CFAP52: variants seen among roughly 807,000 people sequenced by gnomAD.
The protein encoded by CFAP52 is cilia- and flagella-associated protein 52.
Under a neutral mutation model 70.5 loss-of-function variants are expected in CFAP52, and 57 were observed. The observed-to-expected ratio is 0.81, with a 90% CI of 0.65 to 1.01. The LOEUF (loss-of-function observed/expected upper bound fraction) is 1.01. Ranked by LOEUF, CFAP52 falls within the 50% of genes least tolerant of loss-of-function variation. The probability of loss-of-function intolerance (pLI) is 0.00; values close to 1 mark genes in which losing one functional copy is unlikely to be tolerated. For missense variants in CFAP52, 785 were observed against 788.5 expected (o/e 1.00, Z 0.05); for synonymous variants, 267 against 292.5 (o/e 0.91, Z 0.89).
At chr17:9,603,102 TC>T (rs1194315160) in intron 6 of CFAP52, among the ~76,000 whole-genome samples, 1 of 152,204 alleles carries the variant, frequency 6.6e-6, no homozygotes, top group East Asian at 1.9e-4. Context: ...TGTTTTGTTT[TC>T]CTAGCACTTG....
intron 1 of CFAP52, among the ~76,000 whole-genome samples, chr17:9,578,536 T>G (rs141890222): frequency 2.4e-3 from 359 of 152,316 alleles, no homozygotes; most frequent in African/African-American, 8.2e-3. Context: ...AAGAAAAACC[T>G]TGTGGCAGTG....
intron 4 of CFAP52, among the ~76,000 whole-genome samples, chr17:9,595,037 C>T (rs1275538669): frequency 1.3e-5 from 2 of 151,866 alleles, no homozygotes; most frequent in Non-Finnish European, 2.9e-5. Flanking sequence ...ATTACAGGTG[C>T]CCGCCAACAC....
chr17:9,603,572 T>G (rs1392009771), intron 6 of CFAP52, among the ~76,000 whole-genome samples: 1 of 152,202 alleles, frequency 6.6e-6, no homozygotes, highest in Non-Finnish European at 1.5e-5. Flanking sequence ...GAGTTCTTCT[T>G]AATTTGAACT....
intron 1 of CFAP52, among the ~76,000 whole-genome samples, chr17:9,579,111 G>A (rs936953745): frequency 5.3e-5 from 8 of 152,028 alleles, no homozygotes; most frequent in Non-Finnish European, 8.8e-5. Context: ...TGGGGATTGG[G>A]GAGCTTATGA....
At chr17:9,587,957 G>A (rs1908568702) in intron 3 of CFAP52, among the ~76,000 whole-genome samples, 1 of 152,156 alleles carries the variant, frequency 6.6e-6, no homozygotes. Flanking sequence ...CACCTGGGCA[G>A]CTTTAGGGAA....
At chr17:9,608,020 G>T in intron 6 of CFAP52, 99 bp from the exon 7 acceptor site, 2 of 831,674 alleles carry the variant, frequency 2.4e-6, no homozygotes, top group Admixed American at 3.3e-5. Flanking sequence ...ATTGCCATAT[G>T]TTTTTGGGGA....
chr17:9,594,346 C>T, intron 4 of CFAP52, 25 bp downstream of exon 4: 1 of 1,603,130 alleles, frequency 6.2e-7, no homozygotes, highest in Non-Finnish European at 8.5e-7. Context: ...TCGGAGTTTT[C>T]AGAACTCATA....
intron 9 of CFAP52, among the ~76,000 whole-genome samples, chr17:9,629,137 CT>C (rs1027299630): frequency 9.2e-5 from 14 of 152,148 alleles, no homozygotes; most frequent in Admixed American, 9.2e-4. Flanking sequence ...TGTGAGGACC[CT>C]TTTTGTTGTG....
At chr17:9,621,554 C>T (rs1207098677) in intron 8 of CFAP52, among the ~76,000 whole-genome samples, 3 of 5,990 alleles carry the variant, frequency 5.0e-4, no homozygotes, top group Non-Finnish European at 5.8e-4. Flanking sequence ...CACATGCACA[C>T]GTATGTTTAT....
intron 3 of CFAP52, among the ~76,000 whole-genome samples, chr17:9,590,820 T>C (rs1908713006): frequency 6.7e-6 from 1 of 149,906 alleles, no homozygotes; most frequent in African/African-American, 2.5e-5. Context: ...AAACAAACCT[T>C]GCTGTACTAA....
At chr17:9,594,814 G>C (rs1469631103) in intron 4 of CFAP52, among the ~76,000 whole-genome samples, 1 of 151,578 alleles carries the variant, frequency 6.6e-6, no homozygotes, top group African/African-American at 2.4e-5. Context: ...ACAGAGGCCA[G>C]TATCTGCCTA....
At chr17:9,622,000 A>T (rs1910056987) in intron 8 of CFAP52, among the ~76,000 whole-genome samples, 1 of 152,072 alleles carries the variant, frequency 6.6e-6, no homozygotes, top group Non-Finnish European at 1.5e-5. Flanking sequence ...AACTTAGAGT[A>T]TAATAAAAAA....
At chr17:9,596,057 G>GTGTGTGTGTA (rs1555541589) in intron 4 of CFAP52, among the ~76,000 whole-genome samples, 186 of 103,584 alleles carry the variant, frequency 1.8e-3, no homozygotes, top group Non-Finnish European at 2.8e-3. Flanking sequence ...ATATATGTGT[G>GTGTGTGTGTA]TGTATATATA....
At chr17:9,616,237 C>G (rs1481774998) in intron 8 of CFAP52, among the ~76,000 whole-genome samples, 1 of 149,316 alleles carries the variant, frequency 6.7e-6, no homozygotes, top group Non-Finnish European at 1.5e-5. Context: ...AAAGGGGTGA[C>G]GGACGCACCT....
At chr17:9,638,545 A>G in intron 11 of CFAP52, 64 bp from the exon 12 acceptor site, 4 of 1,506,492 alleles carry the variant, frequency 2.7e-6, no homozygotes, top group Non-Finnish European at 3.7e-6. Flanking sequence ...TCCAGCTTGA[A>G]TAGTGAATAA....
chr17:9,631,057 A>G lies in CFAP52; in HGVS notation c.1175-1831A>G, dbSNP rs1253338459. On this transcript the variant is annotated intron_variant, in intron 9 of 13. Coordinates refer to ENST00000352665, the MANE Select transcript of CFAP52 (RefSeq NM_145054.5). The stretch of plus-strand genomic sequence containing the variant: ...GAGAGAGAGAGAGAGAGAGAGAGAA[A>G]GAAAGAAAGAAAGAAAGAAAGAAAG... 1.1e-3 allele frequency among the ~76,000 whole-genome samples: 122 copies of G among 110,332 alleles called. 6 individuals carry two copies. The highest frequency in any genetic ancestry group is 4.3e-3 in the African/African-American group (116 of 26,854). The allele number at this position is 110,332 out of a possible 152,430, so 72.4% of individuals were successfully genotyped here. A position where few individuals can be genotyped will look rare whatever the true frequency, so the allele number is the denominator to read the frequency against.
chr17:9,633,664 T>A (rs915563439), intron 10 of CFAP52, among the ~76,000 whole-genome samples: 2 of 151,514 alleles, frequency 1.3e-5, no homozygotes, highest in African/African-American at 4.9e-5. Flanking sequence ...TTGTACGAAT[T>A]GTCATCTTAT....
Position 9,643,280 on chromosome 17 carries a change from C to T in CFAP52, c.*82C>T. 1.7e-6 allele frequency: 2 copies of T among 1,211,130 alleles called. No individual in the cohort carries two copies. Among genetic ancestry groups the T allele is most frequent in the Non-Finnish European group, 2.2e-6 (2 of 922,782 alleles). The allele number at this position is 1,211,130 out of a possible 1,614,324, so 75.0% of individuals were successfully genotyped here. On this transcript the variant is annotated 3_prime_UTR_variant, in exon 14 of 14. Transcript: ENST00000352665. The stretch of plus-strand genomic sequence containing the variant: ...TTTAGATAACTCCAACACTAGTCTT[C>T]ATTTCTCACAGCTCTGTTTTTGTTC...
At chr17:9,593,390 A>T (rs1908851108) in intron 3 of CFAP52, among the ~76,000 whole-genome samples, 1 of 152,220 alleles carries the variant, frequency 6.6e-6, no homozygotes, top group Non-Finnish European at 1.5e-5. Flanking sequence ...CCACGTACTG[A>T]ATCAGAAACT....
Sources: gnomAD v4.1 joint callset for allele counts (sites outside exome capture counted in the v4.1 genomes callset) on GRCh38, gnomAD v4.1.1 for gene constraint, MANE v1.5 for transcripts, NCBI Gene and HGNC (gene_info 2026-07-23, HGNC 2026-07-21) for gene names.